Variants in SLC22A15 observed in about 807,000 individuals in gnomAD.
SLC22A15 encodes solute carrier family 22 member 15.
Under a neutral mutation model 62.7 loss-of-function variants are expected in SLC22A15, and 45 were observed. The observed-to-expected ratio is 0.72, with a 90% CI of 0.56 to 0.92. The LOEUF (loss-of-function observed/expected upper bound fraction) is 0.92. Ranked by LOEUF, SLC22A15 falls within the 40% of genes least tolerant of loss-of-function variation. The pLI is 0.00. For missense variants in SLC22A15, 622 were observed against 665.6 expected, an observed-to-expected ratio of 0.93 and a Z score of 0.72; for synonymous variants, 264 against 267.0, an observed-to-expected ratio of 0.99 and a Z score of 0.11.
chr1:116,069,331 C>T lies in SLC22A15; in HGVS notation c.*2223C>T, dbSNP rs866182426. 2.0e-5 allele frequency: 3 copies of T among 152,160 alleles called. No homozygotes were observed. The highest frequency in any genetic ancestry group is 4.8e-5 in the African/African-American group (2 of 41,440). 9.4% of individuals were successfully genotyped at this position (152,160 alleles called of 1,614,324 possible). ...CAAAATTTTCTCCTTTTGATAAAAA[C>T]TGTTGAATACTATTGATGTAGAGAA... On this transcript the variant is annotated 3_prime_UTR_variant, in exon 12 of 12. Transcript: ENST00000369503.
intron 5 of SLC22A15, among the ~76,000 whole-genome samples, chr1:116,028,459 C>G (rs1353045452): frequency 6.7e-6 from 1 of 149,240 alleles, no homozygotes; most frequent in East Asian, 2.0e-4. Flanking sequence ...TCTTATCTGG[C>G]TTTCATCTCC....
chr1:116,047,421 C>T lies in SLC22A15; in HGVS notation c.1171+10033C>T, dbSNP rs189246729. Among the ~76,000 whole-genome samples, 20 of 152,234 alleles carry T rather than the reference C, an allele frequency of 1.3e-4. 1 individual carries two copies. In the East Asian group the frequency reaches 2.7e-3, roughly 21 times the overall value. On this transcript the variant is annotated intron_variant, in intron 8 of 11. Coordinates refer to ENST00000369503, the MANE Select transcript of SLC22A15 (RefSeq NM_018420.3). ...CAGCCTGGGCGACAGAGCGAGACTCCGTCTCAAAAAACAAACAAAAATCCC... is the reference window on the plus strand; with the variant it reads ...CAGCCTGGGCGACAGAGCGAGACTCTGTCTCAAAAAACAAACAAAAATCCC...
intron 1 of SLC22A15, among the ~76,000 whole-genome samples, chr1:115,991,821 C>T (rs1655152941): frequency 6.6e-6 from 1 of 152,184 alleles, no homozygotes; most frequent in South Asian, 2.1e-4. Flanking sequence ...AAGTGTTTTA[C>T]AAGTGGGATT....
intron 8 of SLC22A15, among the ~76,000 whole-genome samples, chr1:116,057,932 AG>A (rs1658259264): frequency 6.6e-6 from 1 of 152,174 alleles, no homozygotes; most frequent in Non-Finnish European, 1.5e-5. Context: ...GGAGAAGGAT[AG>A]CATTAGGAGA....
chr1:116,027,244 A>G (rs1657138323), intron 5 of SLC22A15: 2 of 640,042 alleles, frequency 3.1e-6, no homozygotes, highest in Admixed American at 1.8e-5. Context: ...TAACCTCTCA[A>G]TACACTGCAT....
At position 116,019,709 on chromosome 1, in the gene SLC22A15, T is replaced by G; in HGVS notation, c.428T>G (p.Leu143Arg). The change falls in exon 3 of 12, where the codon CTC becomes CGC. Residue 143 changes from leucine (L) to arginine (R), a missense_variant. Transcript: ENST00000369503. ...CGCTTCGGAAGGAAAAAAGTCTATCTCACAGGTAATCTATTAGAGTATTCA... is the reference window on the plus strand; with the variant it reads ...CGCTTCGGAAGGAAAAAAGTCTATCGCACAGGTAATCTATTAGAGTATTCA... ...SDRFGRKKVY[L>R]TGFALDILFA... 1 of 1,611,138 alleles carries G rather than the reference T, an allele frequency of 6.2e-7. No individual in the cohort carries two copies. The highest frequency in any genetic ancestry group is 8.5e-7 in the Non-Finnish European group (1 of 1,179,222).
At chr1:115,986,701 C>T (rs1020443493) in intron 1 of SLC22A15, among the ~76,000 whole-genome samples, 2 of 152,138 alleles carry the variant, frequency 1.3e-5, no homozygotes, top group South Asian at 2.1e-4. Context: ...ACTCTTACCC[C>T]CACCCCAGAC....
Position 115,983,426 on chromosome 1 carries a change from G to A in SLC22A15, c.87+6712G>A, listed in dbSNP as rs1280569091. Among the ~76,000 whole-genome samples the A allele has an allele frequency of 3.3e-5, 5 of 151,604 alleles. No homozygotes were observed. In the East Asian group the frequency reaches 9.7e-4, roughly 29 times the overall value. ...GAAGCAGGACCCCTAGGATGGAGAT[G>A]TGTGTGTGTGTGTGCACGCGCACAT... is the stretch of plus-strand genomic sequence containing the variant. On this transcript the variant is annotated intron_variant, in intron 1 of 11. Transcript: ENST00000369503.
At chr1:116,064,634 C>A in intron 10 of SLC22A15, 126 bp downstream of exon 10, 1 of 689,740 alleles carries the variant, frequency 1.4e-6, no homozygotes. Context: ...TGAACCTTGG[C>A]CCTTTTAGAT....
Position 116,031,535 on chromosome 1 carries a change from C to T in SLC22A15, c.898C>T (p.Arg300Cys), listed in dbSNP as rs767790243. 5.0e-6 allele frequency: 8 copies of T among 1,613,838 alleles called. No homozygotes were observed. Among genetic ancestry groups the T allele is most frequent in the Middle Eastern group, 1.6e-4 (1 of 6,074 alleles). The change falls in exon 6 of 12, where the codon CGT (arginine) becomes TGT (cysteine). Residue 300 changes from arginine (R) to cysteine (C), a missense_variant. Transcript: ENST00000369503. ...GACTGGAAGTTTCCTGGATCTCTTT[C>T]GTTACCGGGTCCTGTTAGGACACAC... ...RETGSFLDLF[R>C]YRVLLGHTLI...
rs1486818722 is a variant in SLC22A15 at position 116,064,532 on chromosome 1, G to T, written c.1365+24G>T. On this transcript the variant is annotated intron_variant, in intron 10 of 11. Coordinates refer to ENST00000369503, the MANE Select transcript of SLC22A15 (RefSeq NM_018420.3). ...TGGTTGGTTTGTACCTTCTAGTTTT[G>T]TTTTTCTTGATTCTCTGCTTTGGAA... The T allele has an allele frequency of 2.0e-6, 3 of 1,519,944 alleles. No homozygotes were observed. In the East Asian group the frequency reaches 6.8e-5, roughly 34 times the overall value. The allele number at this position is 1,519,944 out of a possible 1,614,324, so 94.2% of individuals were successfully genotyped here.
intron 6 of SLC22A15, chr1:116,031,973 G>A (rs968820800): frequency 9.4e-7 from 1 of 1,064,512 alleles, no homozygotes; most frequent in African/African-American, 1.7e-5. Flanking sequence ...CTTTGGCACT[G>A]GCATCAAGCA....
At chr1:115,994,067 T>G (rs1655296825) in intron 2 of SLC22A15, among the ~76,000 whole-genome samples, 1 of 152,150 alleles carries the variant, frequency 6.6e-6, no homozygotes, top group Admixed American at 6.5e-5. Flanking sequence ...CTAATTTATT[T>G]GCACGTATGT....
chr1:115,983,269 A>G (rs1654698922), intron 1 of SLC22A15, among the ~76,000 whole-genome samples: 2 of 152,240 alleles, frequency 1.3e-5, no homozygotes, highest in Non-Finnish European at 2.9e-5. Flanking sequence ...TTCTTTTAAA[A>G]TTATGAGACA....
At chr1:116,014,676 G>A (rs1398186600) in intron 2 of SLC22A15, among the ~76,000 whole-genome samples, 4 of 152,038 alleles carry the variant, frequency 2.6e-5, no homozygotes, top group Admixed American at 1.3e-4. Context: ...AAGATAATAC[G>A]AAATTCATCA....
chr1:116,022,095 G>T (rs558686716), intron 4 of SLC22A15, among the ~76,000 whole-genome samples: 1 of 152,280 alleles, frequency 6.6e-6, no homozygotes, highest in South Asian at 2.1e-4. Context: ...GGATCCATAG[G>T]GTTGGACCAG....
intron 5 of SLC22A15, among the ~76,000 whole-genome samples, chr1:116,030,219 T>G (rs1022165614): frequency 1.3e-5 from 2 of 152,190 alleles, no homozygotes; most frequent in Non-Finnish European, 2.9e-5. Flanking sequence ...TCCTGCCTTT[T>G]GGTTTCCAGC....
At chr1:116,041,472 T>C (rs916514325) in intron 8 of SLC22A15, among the ~76,000 whole-genome samples, 1 of 152,130 alleles carries the variant, frequency 6.6e-6, no homozygotes, top group Non-Finnish European at 1.5e-5. Context: ...AATATATACA[T>C]ATAAGAAATA....
intron 2 of SLC22A15, among the ~76,000 whole-genome samples, chr1:116,010,455 G>C (rs1398038410): frequency 6.6e-6 from 1 of 152,080 alleles, no homozygotes; most frequent in Non-Finnish European, 1.5e-5. Flanking sequence ...ACTACTGACT[G>C]TTATAGCCTG....
Sources: allele counts gnomAD v4.1 joint callset (sites outside exome capture counted in the v4.1 genomes callset), GRCh38; gene constraint gnomAD v4.1.1; transcripts MANE v1.5; gene names NCBI Gene and HGNC (gene_info 2026-07-23, HGNC 2026-07-21).